The following LPP variants were observed in gnomAD, a reference collection of about 807,000 sequenced individuals.
LPP encodes lipoma-preferred partner.
Under a neutral mutation model 60.4 loss-of-function variants are expected in LPP, and 38 were observed. The observed-to-expected ratio is 0.63, with a 90% CI of 0.49 to 0.83. LPP has a LOEUF of 0.83. Ranked by LOEUF, LPP falls within the 40% of genes least tolerant of loss-of-function variation. LPP has a pLI of 0.00. For synonymous variants in LPP, 328 were observed against 290.8 expected, an observed-to-expected ratio of 1.13 and a Z score of -1.30; for missense variants, 902 against 783.6, an observed-to-expected ratio of 1.15 and a Z score of -1.80.
intron 5 of LPP, among the ~76,000 whole-genome samples, chr3:188,508,857 T>G (rs1814346220): frequency 1.3e-5 from 2 of 152,232 alleles, no homozygotes; most frequent in Non-Finnish European, 2.9e-5. Flanking sequence ...TGTTAGCACT[T>G]GGATTAGCAA....
intron 6 of LPP, among the ~76,000 whole-genome samples, chr3:188,574,079 G>A (rs1031919904): frequency 3.9e-5 from 6 of 152,064 alleles, no homozygotes; most frequent in Non-Finnish European, 7.4e-5. Context: ...AACCAGAGAG[G>A]CTTCTTTCCA....
chr3:188,334,603 G>C (rs1761133639), intron 2 of LPP, among the ~76,000 whole-genome samples: 1 of 151,826 alleles, frequency 6.6e-6, no homozygotes, highest in South Asian at 2.1e-4. Flanking sequence ...GCTAATTTTT[G>C]TGTTTTTAGT....
intron 9 of LPP, among the ~76,000 whole-genome samples, chr3:188,800,800 A>C (rs1027451745): frequency 6.6e-6 from 1 of 152,130 alleles, no homozygotes; most frequent in African/African-American, 2.4e-5. Context: ...TTTTTGGTGG[A>C]TTTAGCATCA....
chr3:188,655,991 A>G (rs1361670702), intron 7 of LPP, among the ~76,000 whole-genome samples: 1 of 151,932 alleles, frequency 6.6e-6, no homozygotes, highest in African/African-American at 2.4e-5. Flanking sequence ...GGAGTTTGAG[A>G]CCAGCCTGAC....
chr3:188,476,787 A>C (rs941808197), intron 4 of LPP, among the ~76,000 whole-genome samples: 2 of 152,220 alleles, frequency 1.3e-5, no homozygotes, highest in Non-Finnish European at 2.9e-5. Flanking sequence ...AAGGATATCT[A>C]GCATGATAAC....
intron 9 of LPP, among the ~76,000 whole-genome samples, chr3:188,854,831 G>A (rs1763442165): frequency 1.3e-5 from 2 of 152,176 alleles, no homozygotes; most frequent in South Asian, 2.1e-4. Flanking sequence ...ATAAAGCCAG[G>A]TAGATAATAA....
intron 2 of LPP, among the ~76,000 whole-genome samples, chr3:188,327,285 C>T (rs556970274): frequency 6.6e-6 from 1 of 152,118 alleles, no homozygotes; most frequent in Non-Finnish European, 1.5e-5. Flanking sequence ...TACGGTTAGA[C>T]TACCATTATC....
chr3:188,804,423 G>A (rs1298764765), intron 9 of LPP, among the ~76,000 whole-genome samples: 4 of 150,854 alleles, frequency 2.7e-5, no homozygotes, highest in Non-Finnish European at 5.9e-5. Context: ...TTATAAATTG[G>A]AGCTAAACAA....
chr3:188,691,512 G>C (rs892215452), intron 7 of LPP, among the ~76,000 whole-genome samples: 3 of 152,224 alleles, frequency 2.0e-5, no homozygotes, highest in African/African-American at 7.2e-5. Context: ...TGTACATGAT[G>C]ATGGTTTGTG....
At chr3:188,256,642 C>T (rs1438186887) in intron 2 of LPP, among the ~76,000 whole-genome samples, 4 of 152,102 alleles carry the variant, frequency 2.6e-5, no homozygotes, top group Non-Finnish European at 4.4e-5. Context: ...AGGAAAACCT[C>T]CCAAATTACG....
chr3:188,608,728 G>A (rs1476753183), intron 6 of LPP, among the ~76,000 whole-genome samples: 1 of 151,998 alleles, frequency 6.6e-6, no homozygotes, highest in Non-Finnish European at 1.5e-5. Flanking sequence ...ATTTAGATAG[G>A]GATCTCACTG....
chr3:188,485,689 T>C (rs966313361), intron 5 of LPP, among the ~76,000 whole-genome samples: 10 of 148,014 alleles, frequency 6.8e-5, no homozygotes, highest in African/African-American at 2.2e-4. Flanking sequence ...CCCAGCTACT[T>C]GGGAGGCTGA....
intron 7 of LPP, among the ~76,000 whole-genome samples, chr3:188,691,217 A>C (rs992402816): frequency 6.6e-6 from 1 of 152,186 alleles, no homozygotes; most frequent in Non-Finnish European, 1.5e-5. Flanking sequence ...TAAAAGTTCG[A>C]AAGTAGAGAA....
chr3:188,560,655 C>G (rs1361231444), intron 6 of LPP, among the ~76,000 whole-genome samples: 2 of 152,044 alleles, frequency 1.3e-5, no homozygotes, highest in Non-Finnish European at 2.9e-5. Flanking sequence ...ACTGGATATT[C>G]AAGTAATGAA....
intron 1 of LPP, among the ~76,000 whole-genome samples, chr3:188,156,302 TGAGTAGGATCTTTCTTA>T (rs1037850558): frequency 1.3e-5 from 2 of 152,072 alleles, no homozygotes; most frequent in Non-Finnish European, 2.9e-5. Flanking sequence ...GGCTGGGACT[TGAGTAGGATCTTTCTTA>T]GAGTGACACA....
intron 3 of LPP, among the ~76,000 whole-genome samples, chr3:188,367,554 C>A (rs868199879): frequency 1.8e-4 from 27 of 152,158 alleles, no homozygotes; most frequent in African/African-American, 6.3e-4. Flanking sequence ...GTTAAATGTA[C>A]AAGTTCCTAA....
chr3:188,250,780 T>TTCTGTCTTTC (rs1296414630), intron 2 of LPP, among the ~76,000 whole-genome samples: 13 of 93,786 alleles, frequency 1.4e-4, no homozygotes, highest in Non-Finnish European at 2.2e-4. Context: ...CTTTCTTTCT[T>TTCTGTCTTTC]TCTTTCTGTC....
chr3:188,291,449 C>G (rs1745905145), intron 2 of LPP, among the ~76,000 whole-genome samples: 1 of 151,842 alleles, frequency 6.6e-6, no homozygotes, highest in African/African-American at 2.4e-5. Context: ...ACCATCCTGG[C>G]TAACACGGTG....
intron 5 of LPP, among the ~76,000 whole-genome samples, chr3:188,518,875 C>T (rs904874413): frequency 2.0e-5 from 3 of 150,292 alleles, no homozygotes; most frequent in Non-Finnish European, 4.4e-5. Flanking sequence ...ACAGTTTTTA[C>T]TTGATGATTA....
Sources: gnomAD v4.1 joint callset for allele counts (sites outside exome capture counted in the v4.1 genomes callset) on GRCh38, gnomAD v4.1.1 for gene constraint, MANE v1.5 for transcripts, NCBI Gene and HGNC (gene_info 2026-07-23, HGNC 2026-07-21) for gene names.